The following ELOVL6 variants were observed in gnomAD, a reference collection of about 807,000 sequenced individuals.
ELOVL6 encodes very long chain fatty acid elongase 6.
ELOVL6 carries 8 observed loss-of-function variants against 31.7 expected under a neutral mutation model. That is an observed-to-expected ratio of 0.25 (90% CI 0.15 to 0.45). The LOEUF (loss-of-function observed/expected upper bound fraction) is 0.45, where lower values mean the gene tolerates loss of function less well. Among genes scored for constraint, ELOVL6 ranks in the 20% least tolerant of loss-of-function variants. The pLI, the probability that ELOVL6 is intolerant of heterozygous loss-of-function variation, is 1.00. For synonymous variants in ELOVL6, 101 were observed against 117.7 expected (o/e 0.86, Z 0.92); for missense variants, 126 against 326.4 (o/e 0.39, Z 4.73).
chr4:110,106,228 G>C (rs1756886060), intron 1 of ELOVL6, among the ~76,000 whole-genome samples: 1 of 152,206 alleles, frequency 6.6e-6, no homozygotes, highest in South Asian at 2.1e-4. Context: ...ATGGTGGTGG[G>C]CACCTGTAAT....
At chr4:110,186,822 A>ATATATAT (rs1491476869) in intron 1 of ELOVL6, among the ~76,000 whole-genome samples, 37 of 59,420 alleles carry the variant, frequency 6.2e-4, no homozygotes, top group African/African-American at 1.4e-3. Context: ...AAAAAAAAAA[A>ATATATAT]ATATATATAT....
chr4:110,170,865 T>C (rs779981145), intron 1 of ELOVL6, among the ~76,000 whole-genome samples: 5 of 152,172 alleles, frequency 3.3e-5, no homozygotes, highest in Non-Finnish European at 5.9e-5. Flanking sequence ...AAGTCTTTTG[T>C]TATAATGTTG....
intron 1 of ELOVL6, among the ~76,000 whole-genome samples, chr4:110,173,223 T>A (rs904957708): frequency 1.3e-4 from 20 of 152,102 alleles, no homozygotes; most frequent in African/African-American, 4.8e-4. Flanking sequence ...GAGAGAAATA[T>A]GAACTCAGGC....
At chr4:110,170,298 T>C (rs769154430) in intron 1 of ELOVL6, among the ~76,000 whole-genome samples, 4 of 152,198 alleles carry the variant, frequency 2.6e-5, no homozygotes, top group Non-Finnish European at 5.9e-5. Flanking sequence ...AAATTTGAAT[T>C]ATGCAAAAAA....
At chr4:110,093,159 G>A (rs1425270661) in intron 2 of ELOVL6, 1 of 441,068 alleles carries the variant, frequency 2.3e-6, no homozygotes, top group African/African-American at 2.0e-5. Context: ...TATTACAGAA[G>A]TCATATTTTT....
At chr4:110,109,068 T>C (rs993684051) in intron 1 of ELOVL6, among the ~76,000 whole-genome samples, 1 of 152,196 alleles carries the variant, frequency 6.6e-6, no homozygotes, top group Admixed American at 6.5e-5. Context: ...TCCGGTAAAG[T>C]TCAATTATAT....
At position 110,185,410 on chromosome 4, in the gene ELOVL6, AC is replaced by A. The variant is rs966220684; in HGVS notation, c.89+12836del. Among the ~76,000 whole-genome samples, 99 of 152,026 alleles carry A rather than the reference AC, an allele frequency of 6.5e-4. 1 individual carries two copies. The highest frequency in any genetic ancestry group is 2.2e-3 in the African/African-American group (90 of 41,468). On this transcript the variant is annotated intron_variant, in intron 1 of 3. Coordinates refer to ENST00000302274, the MANE Select transcript of ELOVL6 (RefSeq NM_024090.3). ...AATATGTAATTAGAACCCCACTCCTACCCCCACTCAAGAGCAAGTCTCTAGT... is the reference window on the plus strand; with the variant it reads ...AATATGTAATTAGAACCCCACTCCTACCCCACTCAAGAGCAAGTCTCTAGT...
intron 1 of ELOVL6, among the ~76,000 whole-genome samples, chr4:110,188,421 T>C (rs576777199): frequency 1.1e-4 from 16 of 152,226 alleles, no homozygotes; most frequent in South Asian, 2.1e-4. Context: ...AAGAGGATGA[T>C]TGGGGCCTTG....
chr4:110,098,676 T>C (rs2126243296), intron 2 of ELOVL6, among the ~76,000 whole-genome samples: 1 of 152,306 alleles, frequency 6.6e-6, no homozygotes, highest in South Asian at 2.1e-4. Flanking sequence ...GTTTTTAAAA[T>C]TTTCATAAAT....
In ELOVL6 at chr4:110,182,149, T is replaced by C. The variant is rs146442424; in HGVS notation, c.89+16098A>G. ...TTGTCCCTGGGGAACCTTTGTCCCA[T>C]TAGATACATTCCTGGGCCCACATGT... On this transcript the variant is annotated intron_variant, in intron 1 of 3. Transcript: ENST00000302274. 4.4e-3 allele frequency among the ~76,000 whole-genome samples: 674 copies of C among 152,342 alleles called. 4 individuals carry two copies. The highest frequency in any genetic ancestry group is 0.015 in the African/African-American group (640 of 41,584).
chr4:110,094,445 T>TATATATAAA lies in ELOVL6; in HGVS notation c.221+11051_221+11052insTTTATATAT, dbSNP rs1560820753. 7.1e-3 allele frequency among the ~76,000 whole-genome samples: 336 copies of TATATATAAA among 47,342 alleles called. 10 individuals are homozygous for TATATATAAA. The highest frequency in any genetic ancestry group is 0.029 in the Middle Eastern group (2 of 70). 31.1% of individuals were successfully genotyped at this position (47,342 alleles called of 152,430 possible). On this transcript the variant is annotated intron_variant, in intron 2 of 3. Transcript: ENST00000302274. The stretch of plus-strand genomic sequence containing the variant: ...TATATATATATATATATATATATAA[T>TATATATAAA]ATATATAACATAATATATATTACAT...
chr4:110,084,560 A>ATATATATATT lies in ELOVL6; in HGVS notation c.221+20936_221+20937insAATATATATA, dbSNP rs1274237811. ...CACACACACACACACACACACACAC[A>ATATATATATT]CAGATATATATATATATATATATAT... On this transcript the variant is annotated intron_variant, in intron 2 of 3. Coordinates refer to ENST00000302274, the MANE Select transcript of ELOVL6 (RefSeq NM_024090.3). Among the ~76,000 whole-genome samples the ATATATATATT allele has an allele frequency of 3.1e-4, 15 of 48,852 alleles. 1 individual carries two copies. Among genetic ancestry groups the ATATATATATT allele is most frequent in the African/African-American group, 2.3e-3 (15 of 6,482 alleles). The allele number at this position is 48,852 out of a possible 152,430, so 32.0% of individuals were successfully genotyped here. A position where few individuals can be genotyped will look rare whatever the true frequency, so the allele number is the denominator to read the frequency against.
chr4:110,115,819 C>T (rs192363415), intron 1 of ELOVL6, among the ~76,000 whole-genome samples: 124 of 152,276 alleles, frequency 8.1e-4, no homozygotes, highest in African/African-American at 2.9e-3. Context: ...ATGAGTCTTA[C>T]GGGGCTAAAA....
rs1487498278 is a variant in ELOVL6, at chr4:110,181,668, A to G, written c.89+16579T>C. 1.1e-4 allele frequency among the ~76,000 whole-genome samples: 16 copies of G among 152,304 alleles called. No individual in the cohort carries two copies. The East Asian group carries it at 3.1e-3, about 29-fold the overall frequency. ...GAGAAAATAAAATAAAATGTAAAAC[A>G]AAACAAAACATCTACTTTCTGTGTA... On this transcript the variant is annotated intron_variant, in intron 1 of 3. Transcript: ENST00000302274.
At chr4:110,072,346 C>T (rs1277297327) in intron 2 of ELOVL6, among the ~76,000 whole-genome samples, 1 of 152,152 alleles carries the variant, frequency 6.6e-6, no homozygotes, top group Non-Finnish European at 1.5e-5. Context: ...TATGGTGGCA[C>T]ATGCCTGTAA....
rs550189869 is a variant in ELOVL6, at chr4:110,050,692, C to T, written c.*646G>A. On this transcript the variant is annotated 3_prime_UTR_variant, in exon 4 of 4. Transcript: ENST00000302274. ...CTTTGGTTTTGGCAAACTCACTAGC[C>T]TGAGGCTATGCAGTGAAGATGAAGT... 1.3e-5 allele frequency: 2 copies of T among 153,120 alleles called. No individual in the cohort carries two copies. The highest frequency in any genetic ancestry group is 2.4e-5 in the African/African-American group (1 of 41,570). The allele number at this position is 153,120 out of a possible 1,614,324, so 9.5% of individuals were successfully genotyped here.
chr4:110,088,297 C>T (rs185682138), intron 2 of ELOVL6, among the ~76,000 whole-genome samples: 2 of 152,128 alleles, frequency 1.3e-5, no homozygotes, highest in African/African-American at 4.8e-5. Flanking sequence ...GTGCAGATAA[C>T]CCCAAGTGAA....
chr4:110,069,549 T>G (rs1448871079), intron 2 of ELOVL6, among the ~76,000 whole-genome samples: 1 of 152,106 alleles, frequency 6.6e-6, no homozygotes, highest in Non-Finnish European at 1.5e-5. Flanking sequence ...AGCCCCTAGA[T>G]TATGGAATTT....
At chr4:110,176,364 T>C (rs920827900) in intron 1 of ELOVL6, among the ~76,000 whole-genome samples, 7 of 152,136 alleles carry the variant, frequency 4.6e-5, no homozygotes, top group Non-Finnish European at 8.8e-5. Flanking sequence ...GGTTTCACCA[T>C]GTTGGCAGGC....
Sources: allele counts gnomAD v4.1 joint callset (sites outside exome capture counted in the v4.1 genomes callset), GRCh38; gene constraint gnomAD v4.1.1; transcripts MANE v1.5; gene names NCBI Gene and HGNC (gene_info 2026-07-23, HGNC 2026-07-21).